ARMC9: variants seen among roughly 807,000 people sequenced by gnomAD.
The protein encoded by ARMC9 is lisH domain-containing protein ARMC9.
In ARMC9, 94 loss-of-function variants were observed where a neutral mutation model predicts 107.0. The ratio of observed to expected loss-of-function variants is 0.88; its 90% confidence interval spans 0.74 to 1.04. The LOEUF is 1.04. Among genes scored for constraint, ARMC9 ranks in the 50% least tolerant of loss-of-function variants. The probability of loss-of-function intolerance (pLI) is 0.00; values close to 1 mark genes in which losing one functional copy is unlikely to be tolerated. For missense variants in ARMC9, 942 were observed against 1,030.1 expected, an observed-to-expected ratio of 0.91 and a Z score of 1.17; for synonymous variants, 380 against 396.9, an observed-to-expected ratio of 0.96 and a Z score of 0.51.
Position 231,276,515 on chromosome 2 carries a change from C to T in ARMC9, c.1335-121C>T, listed in dbSNP as rs2039767468. On this transcript the variant is annotated intron_variant, in intron 14 of 24. Transcript: ENST00000611582. ...CAACTCCTGACCTCAGGTGATCCGT[C>T]CGCCTTGGCCTCCCAAAGTGCTGGG... 6.7e-6 allele frequency: 9 copies of T among 1,347,638 alleles called. No homozygotes were observed. In the South Asian group the frequency reaches 1.1e-4, roughly 16 times the overall value. The allele number at this position is 1,347,638 out of a possible 1,614,324, so 83.5% of individuals were successfully genotyped here.
intron 22 of ARMC9, among the ~76,000 whole-genome samples, 172 bp downstream of exon 22, chr2:231,356,106 T>C (rs1178945946): frequency 6.6e-6 from 1 of 152,228 alleles, no homozygotes; most frequent in Non-Finnish European, 1.5e-5. Context: ...GCCAGACCCA[T>C]GCTGGGCTGG....
intron 17 of ARMC9, among the ~76,000 whole-genome samples, chr2:231,290,732 A>G (rs2125470549): frequency 6.6e-6 from 1 of 152,326 alleles, no homozygotes; most frequent in South Asian, 2.1e-4. Context: ...GTGACTTTAT[A>G]ATTCTTTTAA....
chr2:231,264,330 C>T (rs1189195260), intron 12 of ARMC9, among the ~76,000 whole-genome samples: 1 of 151,908 alleles, frequency 6.6e-6, no homozygotes, highest in East Asian at 1.9e-4. Flanking sequence ...AGGCGCCCGC[C>T]ACCACACCCA....
intron 20 of ARMC9, among the ~76,000 whole-genome samples, chr2:231,336,106 A>G (rs2044072319): frequency 6.6e-6 from 1 of 151,990 alleles, no homozygotes; most frequent in African/African-American, 2.4e-5. Context: ...AATAAATACA[A>G]ATACAAATAG....
intron 21 of ARMC9, among the ~76,000 whole-genome samples, chr2:231,346,269 C>A (rs1361610932): frequency 6.6e-6 from 1 of 152,178 alleles, no homozygotes; most frequent in Non-Finnish European, 1.5e-5. Flanking sequence ...CACCTGTAAT[C>A]CCAGCAGTTC....
At chr2:231,283,328 G>A (rs866522435) in intron 17 of ARMC9, among the ~76,000 whole-genome samples, 1 of 152,208 alleles carries the variant, frequency 6.6e-6, no homozygotes, top group African/African-American at 2.4e-5. Flanking sequence ...TAACAGTAAG[G>A]TGTCTAGGAA....
At chr2:231,321,111 T>A (rs2042973657) in intron 19 of ARMC9, among the ~76,000 whole-genome samples, 1 of 152,238 alleles carries the variant, frequency 6.6e-6, no homozygotes, top group Non-Finnish European at 1.5e-5. Flanking sequence ...ACCCTTTTCA[T>A]CAGGTGCTTG....
At chr2:231,261,442 G>A (rs918026190) in intron 11 of ARMC9, among the ~76,000 whole-genome samples, 4 of 152,162 alleles carry the variant, frequency 2.6e-5, no homozygotes, top group African/African-American at 4.8e-5. Flanking sequence ...GCACACAAGC[G>A]CACATGCACT....
chr2:231,271,983 G>C (rs895683153), intron 13 of ARMC9, among the ~76,000 whole-genome samples: 7 of 151,950 alleles, frequency 4.6e-5, no homozygotes, highest in African/African-American at 1.7e-4. Flanking sequence ...AGATCTGACT[G>C]TTGGGTTCAG....
chr2:231,344,380 A>G (rs1219065275), intron 20 of ARMC9, among the ~76,000 whole-genome samples: 1 of 152,208 alleles, frequency 6.6e-6, no homozygotes, highest in Non-Finnish European at 1.5e-5. Context: ...TCTAATTTCT[A>G]GTAAAGTTGG....
In ARMC9 at chr2:231,375,368, A is replaced by G. The variant is rs2046165363; in HGVS notation, c.*3833A>G. ...ATTCTCCCATTGTCCAAAGCAGACC[A>G]CATGGCCAAGGCCCAAGTCTGTGTG... On this transcript the variant is annotated 3_prime_UTR_variant, in exon 25 of 25. Transcript: ENST00000611582. The surrounding 1 kb of genome is among the most constrained non-coding windows in gnomAD (Gnocchi z 4.3). Among the ~76,000 whole-genome samples, 1 of 152,202 alleles carries G rather than the reference A, an allele frequency of 6.6e-6. No homozygotes were observed. Among genetic ancestry groups the G allele is most frequent in the African/African-American group, 2.4e-5 (1 of 41,456 alleles).
chr2:231,263,796 C>T (rs1263060608), intron 12 of ARMC9, among the ~76,000 whole-genome samples: 1 of 152,084 alleles, frequency 6.6e-6, no homozygotes, highest in Non-Finnish European at 1.5e-5. Context: ...CTTTTTTTTC[C>T]TGTTTGGATT....
chr2:231,301,943 C>T (rs1325709543), intron 19 of ARMC9, among the ~76,000 whole-genome samples: 1 of 152,046 alleles, frequency 6.6e-6, no homozygotes, highest in African/African-American at 2.4e-5. Context: ...CACGCCGCTG[C>T]ACTCCAGCCT....
Position 231,331,477 on chromosome 2 carries a change from C to A in ARMC9, c.1774-316C>A, listed in dbSNP as rs1033350164. Among the ~76,000 whole-genome samples, 5 of 152,126 alleles carry A rather than the reference C, an allele frequency of 3.3e-5. No homozygotes were observed. The East Asian group carries it at 9.6e-4, about 29-fold the overall frequency. The stretch of plus-strand genomic sequence containing the variant: ...TGTTCTATATGGTGCCTTGATCTCA[C>A]AGAGAGAGAAGTTCTGAGAACTGTG... On this transcript the variant is annotated intron_variant, in intron 19 of 24. Transcript: ENST00000611582.
chr2:231,296,008 A>G (rs900807748), intron 18 of ARMC9, 190 bp from the exon 19 acceptor site: 2 of 407,108 alleles, frequency 4.9e-6, no homozygotes, highest in Non-Finnish European at 8.7e-6. Flanking sequence ...GAGATTTACT[A>G]TTTAAAATTG....
chr2:231,314,436 T>C (rs1028926625), intron 19 of ARMC9, among the ~76,000 whole-genome samples: 1 of 152,228 alleles, frequency 6.6e-6, no homozygotes, highest in Non-Finnish European at 1.5e-5. Context: ...AGGTCTAGTT[T>C]ATCTTTTTCA....
In ARMC9 at chr2:231,360,277, A is replaced by G. The variant is rs750397132; in HGVS notation, c.2132-477A>G. ...GGCACTTCCTGGCCACCCTGGGTGT[A>G]CCGAGTGGTTCAGCATTAAGGAGCC... On this transcript the variant is annotated intron_variant, in intron 22 of 24. Coordinates refer to ENST00000611582, the MANE Select transcript of ARMC9 (RefSeq NM_001352754.2). The surrounding 1 kb of genome is among the most constrained non-coding windows in gnomAD (Gnocchi z 4.7). Among the ~76,000 whole-genome samples, 2 of 152,102 alleles carry G rather than the reference A, an allele frequency of 1.3e-5. No individual in the cohort carries two copies. The highest frequency in any genetic ancestry group is 6.5e-5 in the Admixed American group (1 of 15,268).
chr2:231,316,673 A>AAG (rs1156371939), intron 19 of ARMC9, among the ~76,000 whole-genome samples: 2 of 151,874 alleles, frequency 1.3e-5, no homozygotes, highest in East Asian at 3.9e-4. Flanking sequence ...TCAAAAAAAA[A>AAG]AAAGAAAGAA....
intron 16 of ARMC9, among the ~76,000 whole-genome samples, chr2:231,281,454 CTG>C (rs975491428): frequency 2.0e-5 from 3 of 152,162 alleles, no homozygotes; most frequent in African/African-American, 7.2e-5. Flanking sequence ...CTTGAAGATC[CTG>C]TGTGCCACAC....
Sources: allele counts gnomAD v4.1 joint callset (sites outside exome capture counted in the v4.1 genomes callset), GRCh38; gene constraint gnomAD v4.1.1; non-coding constraint Gnocchi (gnomAD v3.1); transcripts MANE v1.5; gene names NCBI Gene and HGNC (gene_info 2026-07-23, HGNC 2026-07-21).